The following DAB1 variants were observed in gnomAD, a reference collection of about 807,000 sequenced individuals.
DAB1 encodes the protein DAB adaptor protein 1.
Under a neutral mutation model 64.6 loss-of-function variants are expected in DAB1, and 15 were observed. That is an observed-to-expected ratio of 0.23 (90% CI 0.16 to 0.36). DAB1 has a LOEUF of 0.36. Among genes scored for constraint, DAB1 ranks in the 10% least tolerant of loss-of-function variants. DAB1 has a pLI of 1.00. For synonymous variants in DAB1, 235 were observed against 251.9 expected (o/e 0.93, Z 0.64); for missense variants, 596 against 706.7 (o/e 0.84, Z 1.78).
chr1:56,997,808 G>A lies in DAB1; in HGVS notation c.*336C>T, dbSNP rs570058706. On this transcript the variant is annotated 3_prime_UTR_variant, in exon 15 of 15. Coordinates refer to ENST00000371236, the MANE Select transcript of DAB1 (RefSeq NM_001365792.1). The stretch of plus-strand genomic sequence containing the variant: ...GGGAATTAATAATTTTGCACACTGA[G>A]TCATCTTAAACCCAGCTATGAGGGC... The A allele has an allele frequency of 2.6e-5, 4 of 152,318 alleles. No individual in the cohort carries two copies. The highest frequency in any genetic ancestry group is 6.5e-5 in the Admixed American group (1 of 15,304). The allele number at this position is 152,318 out of a possible 1,614,324, so 9.4% of individuals were successfully genotyped here. A position where few individuals can be genotyped will look rare whatever the true frequency, so the allele number is the denominator to read the frequency against.
intron 2 of DAB1, among the ~76,000 whole-genome samples, chr1:57,179,754 T>C (rs1241851068): frequency 6.6e-6 from 1 of 152,182 alleles, no homozygotes; most frequent in East Asian, 1.9e-4. Flanking sequence ...AACACGTTTG[T>C]GCACCTGAGA....
chr1:57,299,705 T>C (rs1673477509), intron 1 of DAB1, among the ~76,000 whole-genome samples: 1 of 151,458 alleles, frequency 6.6e-6, no homozygotes, highest in African/African-American at 2.5e-5. Flanking sequence ...CACCTCTAAT[T>C]TTACAAAAAC....
intron 4 of DAB1, among the ~76,000 whole-genome samples, chr1:57,094,108 C>CAAA (rs59491159): frequency 0.16 from 17,726 of 111,904 alleles, 1,697 homozygotes; most frequent in East Asian, 0.51. Context: ...GACTCTGCCT[C>CAAA]AAAAAAAAAA....
At chr1:57,062,971 C>T in intron 8 of DAB1, 28 bp from the exon 9 acceptor site, 1 of 1,599,086 alleles carries the variant, frequency 6.3e-7, no homozygotes, top group Middle Eastern at 1.7e-4. Flanking sequence ...TCAGCACAGT[C>T]AAAACACTCT....
rs1338051281 is a variant in DAB1 at position 58,040,608 on chromosome 1, C to T, written n.387+109903G>A. ...TAAAACTGTGTAATTGGTTCAGAACCTTCAGGCTAAATGAGTTTCCTGCGG... is the reference window on the plus strand; with the variant it reads ...TAAAACTGTGTAATTGGTTCAGAACTTTCAGGCTAAATGAGTTTCCTGCGG... On this transcript the variant is annotated intron_variant and non_coding_transcript_variant, in intron 5 of 20. Transcript: ENST00000485760. 2.6e-5 allele frequency among the ~76,000 whole-genome samples: 4 copies of T among 152,130 alleles called. No individual in the cohort carries two copies. In the East Asian group the frequency reaches 7.7e-4, roughly 29 times the overall value.
chr1:58,332,662 A>G (rs1031742303), intron 4 of DAB1, among the ~76,000 whole-genome samples: 4 of 152,232 alleles, frequency 2.6e-5, no homozygotes, highest in Non-Finnish European at 4.4e-5. Flanking sequence ...GCCAAAAAGG[A>G]GAAGAATTAA....
chr1:57,631,155 A>C (rs994715178), intron 7 of DAB1, among the ~76,000 whole-genome samples: 1 of 152,198 alleles, frequency 6.6e-6, no homozygotes, highest in Non-Finnish European at 1.5e-5. Context: ...TTCTCAATAC[A>C]AAACCTGTGT....
At chr1:58,318,977 A>G (rs944515402) in intron 4 of DAB1, among the ~76,000 whole-genome samples, 3 of 152,150 alleles carry the variant, frequency 2.0e-5, no homozygotes, top group Admixed American at 6.5e-5. Context: ...GAGATGACCA[A>G]TTTGCAAGAA....
chr1:57,474,554 T>TG (rs1643911514), intron 7 of DAB1, among the ~76,000 whole-genome samples: 1 of 152,196 alleles, frequency 6.6e-6, no homozygotes, highest in South Asian at 2.1e-4. Context: ...GCTCAGACTC[T>TG]GGGGGTTAGG....
At chr1:57,045,543 C>G (rs1314092591) in intron 9 of DAB1, among the ~76,000 whole-genome samples, 1 of 151,994 alleles carries the variant, frequency 6.6e-6, no homozygotes, top group Non-Finnish European at 1.5e-5. Flanking sequence ...ACTAAAAACA[C>G]AAAAATTAGC....
At chr1:57,114,104 T>C (rs969097281) in intron 4 of DAB1, among the ~76,000 whole-genome samples, 2 of 150,466 alleles carry the variant, frequency 1.3e-5, no homozygotes, top group Admixed American at 6.6e-5. Context: ...AAAATATGAA[T>C]GTAGAACTGG....
At chr1:57,379,518 T>C (rs921258885) in intron 1 of DAB1, among the ~76,000 whole-genome samples, 3 of 152,172 alleles carry the variant, frequency 2.0e-5, no homozygotes, top group Admixed American at 6.5e-5. Flanking sequence ...AAAGGTAAAC[T>C]GGGTAAATTT....
chr1:57,912,336 T>A (rs915750390), intron 5 of DAB1, among the ~76,000 whole-genome samples: 2 of 146,822 alleles, frequency 1.4e-5, no homozygotes, highest in Admixed American at 1.4e-4. Flanking sequence ...CACTGATCTT[T>A]CCAACACCTG....
At chr1:57,967,222 T>G (rs1419449573) in intron 5 of DAB1, among the ~76,000 whole-genome samples, 2 of 152,154 alleles carry the variant, frequency 1.3e-5, no homozygotes, top group Non-Finnish European at 2.9e-5. Context: ...CTATTTCTCA[T>G]TAATTAGCAC....
At chr1:58,405,787 AT>A (rs1204609831) in intron 3 of DAB1, among the ~76,000 whole-genome samples, 1 of 152,252 alleles carries the variant, frequency 6.6e-6, no homozygotes, top group African/African-American at 2.4e-5. Flanking sequence ...TTAGCATCAC[AT>A]TTTATGAATG....
chr1:57,573,252 G>A (rs1645213092), intron 7 of DAB1, among the ~76,000 whole-genome samples: 1 of 151,762 alleles, frequency 6.6e-6, no homozygotes, highest in Non-Finnish European at 1.5e-5. Context: ...ACACCTGGCT[G>A]GTTTTTAAAA....
At chr1:57,536,819 C>T (rs2691441) in intron 7 of DAB1, among the ~76,000 whole-genome samples, 46,248 of 151,776 alleles carry the variant, frequency 0.3, 7,860 homozygotes, top group African/African-American at 0.45. Context: ...ATTGTTCTAT[C>T]CCTCCATGCT....
intron 3 of DAB1, among the ~76,000 whole-genome samples, chr1:58,503,425 ATTTC>A (rs1645940150): frequency 6.6e-6 from 1 of 152,232 alleles, no homozygotes; most frequent in Admixed American, 6.5e-5. Flanking sequence ...TTTCACTGCT[ATTTC>A]TTTCTCAAAT....
At chr1:57,725,635 C>T (rs1223489886) in intron 6 of DAB1, among the ~76,000 whole-genome samples, 1 of 152,176 alleles carries the variant, frequency 6.6e-6, no homozygotes, top group African/African-American at 2.4e-5. Flanking sequence ...GAAAGAGAAG[C>T]ATTTAGTTCA....
Sources: gnomAD v4.1 joint callset for allele counts (sites outside exome capture counted in the v4.1 genomes callset) on GRCh38, gnomAD v4.1.1 for gene constraint, MANE v1.5 for transcripts, NCBI Gene and HGNC (gene_info 2026-07-23, HGNC 2026-07-21) for gene names.